IPO5: variants seen among roughly 807,000 people sequenced by gnomAD.
IPO5 encodes the protein importin 5, also known as importin-5.
A neutral mutation model predicts 143.3 loss-of-function variants in IPO5; 18 were observed. The observed-to-expected ratio is 0.13, with a 90% CI of 0.09 to 0.19. The LOEUF (loss-of-function observed/expected upper bound fraction) is 0.19, where lower values mean the gene tolerates loss of function less well. Ranked by LOEUF, IPO5 falls within the 10% of genes least tolerant of loss-of-function variation. The pLI is 1.00. For synonymous variants in IPO5, 477 were observed against 465.7 expected (o/e 1.02, Z -0.31); for missense variants, 1,013 against 1,336.9 (o/e 0.76, Z 3.78).
chr13:97,968,596 A>T (rs1410877116), intron 2 of IPO5, among the ~76,000 whole-genome samples: 3 of 152,160 alleles, frequency 2.0e-5, no homozygotes, highest in African/African-American at 7.2e-5. Context: ...TCCTGATTGA[A>T]TTTTTTATTA....
chr13:97,986,154 T>C (rs958214885), intron 6 of IPO5, among the ~76,000 whole-genome samples: 4 of 152,142 alleles, frequency 2.6e-5, no homozygotes, highest in African/African-American at 9.7e-5. Context: ...AAAATAATTT[T>C]GTAATTTGCT....
chr13:98,023,382 CA>C lies in IPO5; in HGVS notation c.*1562del, dbSNP rs1432094497. 1 of 152,160 alleles carries C rather than the reference CA, an allele frequency of 6.6e-6. No individual in the cohort carries two copies. Among genetic ancestry groups the C allele is most frequent in the African/African-American group, 2.4e-5 (1 of 41,440 alleles). 9.4% of individuals were successfully genotyped at this position (152,160 alleles called of 1,614,324 possible). A position where few individuals can be genotyped will look rare whatever the true frequency, so the allele number is the denominator to read the frequency against. ...AATTGGAGTAAAAAGTGTGTCAAGACAACCCCTTTCTGCTTTCTTATGTAGC... is the reference window on the plus strand; with the variant it reads ...AATTGGAGTAAAAAGTGTGTCAAGACACCCCTTTCTGCTTTCTTATGTAGC... On this transcript the variant is annotated 3_prime_UTR_variant, in exon 29 of 29. Coordinates refer to ENST00000651721, the MANE Select transcript of IPO5 (RefSeq NM_002271.6).
intron 1 of IPO5, 62 bp from the exon 2 acceptor site, chr13:97,954,057 T>C: frequency 5.7e-6 from 2 of 352,120 alleles, no homozygotes; most frequent in Non-Finnish European, 1.1e-5. Context: ...ATGTGGGTTA[T>C]TATCCTAAAG....
In IPO5 at chr13:97,981,206, G is replaced by C. The variant is rs1409929385; in HGVS notation, c.91-1297G>C. 9 of 451,520 alleles carry C rather than the reference G, an allele frequency of 2.0e-5. No homozygotes were observed. The Admixed American group carries it at 2.2e-4, about 11-fold the overall frequency. 28.0% of individuals were successfully genotyped at this position (451,520 alleles called of 1,614,324 possible). A position where few individuals can be genotyped will look rare whatever the true frequency, so the allele number is the denominator to read the frequency against. ...GAACTTGAGGTTATCAGAAGATCTT[G>C]AATTCTCCTTTCCCCCAAAATCTGT... On this transcript the variant is annotated intron_variant, in intron 4 of 28. Coordinates refer to ENST00000651721, the MANE Select transcript of IPO5 (RefSeq NM_002271.6).
intron 12 of IPO5, among the ~76,000 whole-genome samples, chr13:97,999,237 T>C (rs1490377938): frequency 2.6e-5 from 4 of 152,184 alleles, no homozygotes; most frequent in Non-Finnish European, 5.9e-5. Flanking sequence ...ATTTTTGGCT[T>C]TAGAATATAT....
At chr13:98,020,038 C>T in intron 27 of IPO5, 1 of 382,960 alleles carries the variant, frequency 2.6e-6, no homozygotes, top group Non-Finnish European at 4.7e-6. Context: ...AAATTAGATT[C>T]AACAGATGAG....
intron 16 of IPO5, among the ~76,000 whole-genome samples, chr13:98,003,607 T>C (rs1352391593): frequency 6.6e-6 from 1 of 152,148 alleles, no homozygotes; most frequent in Non-Finnish European, 1.5e-5. Context: ...CCCAGCACTT[T>C]GGGAGGCTGA....
intron 13 of IPO5, among the ~76,000 whole-genome samples, chr13:98,001,403 G>A (rs376155560): frequency 2.0e-5 from 3 of 152,212 alleles, no homozygotes; most frequent in East Asian, 1.9e-4. Context: ...TCAGCTCACC[G>A]CAGCCTCCAC....
chr13:98,011,390 A>T (rs976883133), intron 20 of IPO5, among the ~76,000 whole-genome samples: 2 of 152,244 alleles, frequency 1.3e-5, no homozygotes, highest in Non-Finnish European at 2.9e-5. Flanking sequence ...TCCTGGGTTC[A>T]AGTGATTCTC....
chr13:97,993,415 C>T (rs1330661907), intron 11 of IPO5, among the ~76,000 whole-genome samples, 190 bp downstream of exon 11: 1 of 152,218 alleles, frequency 6.6e-6, no homozygotes, highest in Non-Finnish European at 1.5e-5. Context: ...GCCTTTAAGA[C>T]TTTGCAGACA....
In IPO5 at chr13:97,954,153, T is replaced by C. The variant is rs543735606; in HGVS notation, c.-158T>C. 7.1e-5 allele frequency: 16 copies of C among 225,034 alleles called. No individual in the cohort carries two copies. The South Asian group carries it at 9.2e-4, about 13-fold the overall frequency. The allele number at this position is 225,034 out of a possible 1,614,324, so 13.9% of individuals were successfully genotyped here. A position where few individuals can be genotyped will look rare whatever the true frequency, so the allele number is the denominator to read the frequency against. ...GGGAGAAGCCTTTCCAGGACCCATGTGTAGGCACAACTGTTTTCCCTGATC... is the reference window on the plus strand; with the variant it reads ...GGGAGAAGCCTTTCCAGGACCCATGCGTAGGCACAACTGTTTTCCCTGATC... On this transcript the variant is annotated 5_prime_UTR_variant, in exon 2 of 29. Coordinates refer to ENST00000651721, the MANE Select transcript of IPO5 (RefSeq NM_002271.6).
intron 2 of IPO5, among the ~76,000 whole-genome samples, chr13:97,959,628 G>A (rs1187249102): frequency 6.6e-6 from 1 of 152,012 alleles, no homozygotes; most frequent in Non-Finnish European, 1.5e-5. Context: ...CAGCTACTTA[G>A]GAGGCTGAGC....
chr13:97,999,460 T>C (rs1321481321), intron 12 of IPO5, among the ~76,000 whole-genome samples: 1 of 152,212 alleles, frequency 6.6e-6, no homozygotes, highest in African/African-American at 2.4e-5. Context: ...CTTAAATTTA[T>C]ACAGTTTAAG....
At chr13:98,005,804 A>G (rs1479294208) in intron 16 of IPO5, among the ~76,000 whole-genome samples, 1 of 152,134 alleles carries the variant, frequency 6.6e-6, no homozygotes, top group Non-Finnish European at 1.5e-5. Flanking sequence ...AAAAATGAGG[A>G]TGAAGTGTAG....
In IPO5 at chr13:98,021,104, C is replaced by T. The variant is rs139976558; in HGVS notation, c.3178C>T (p.Arg1060Cys). 6.2e-7 allele frequency: 1 copy of T among 1,608,444 alleles called. No individual in the cohort carries two copies. Among genetic ancestry groups the T allele is most frequent in the Non-Finnish European group, 8.5e-7 (1 of 1,178,160 alleles). ...AIKHEDPCAK[R>C]LANVVRQVQT... is the part of the protein sequence containing the mutation. ...TAAACATGAAGATCCTTGTGCCAAA[C>T]GTCTGGCCAATGTCGTTCGCCAAGT... is the stretch of plus-strand genomic sequence containing the variant. The change falls in exon 28 of 29, where the codon CGT (arginine) becomes TGT (cysteine). Residue 1060 changes from arginine to cysteine, a missense_variant. Coordinates refer to ENST00000651721, the MANE Select transcript of IPO5 (RefSeq NM_002271.6).
At chr13:97,965,336 A>G (rs944610072) in intron 2 of IPO5, among the ~76,000 whole-genome samples, 1 of 152,318 alleles carries the variant, frequency 6.6e-6, no homozygotes, top group East Asian at 1.9e-4. Context: ...CTGCACATGT[A>G]TATCGAAACT....
At chr13:98,003,514 C>A (rs1888968204) in intron 16 of IPO5, among the ~76,000 whole-genome samples, 1 of 152,154 alleles carries the variant, frequency 6.6e-6, no homozygotes, top group African/African-American at 2.4e-5. Flanking sequence ...AAAGACATTT[C>A]ATGGGAAGCA....
intron 6 of IPO5, among the ~76,000 whole-genome samples, chr13:97,986,257 C>G (rs1170902541): frequency 6.6e-6 from 1 of 152,076 alleles, no homozygotes; most frequent in Non-Finnish European, 1.5e-5. Flanking sequence ...ATTAAACTTG[C>G]CAGTTGAACT....
intron 2 of IPO5, among the ~76,000 whole-genome samples, chr13:97,956,867 C>T (rs767801373): frequency 1.2e-4 from 18 of 152,062 alleles, no homozygotes; most frequent in Admixed American, 2.6e-4. Context: ...GGACCAAATA[C>T]CAAAATTCCT....
Sources: gnomAD v4.1 joint callset for allele counts (sites outside exome capture counted in the v4.1 genomes callset) on GRCh38, gnomAD v4.1.1 for gene constraint, MANE v1.5 for transcripts, NCBI Gene and HGNC (gene_info 2026-07-23, HGNC 2026-07-21) for gene names.